Variants in TBCD observed in about 807,000 individuals in gnomAD.
TBCD encodes the protein tubulin-specific chaperone D.
Under a neutral mutation model 169.3 loss-of-function variants are expected in TBCD, and 105 were observed. That is an observed-to-expected ratio of 0.62 (90% confidence interval 0.53 to 0.73). The LOEUF (loss-of-function observed/expected upper bound fraction) is 0.73, where lower values mean the gene tolerates loss of function less well. Among genes scored for constraint, TBCD ranks in the 30% least tolerant of loss-of-function variants. TBCD has a pLI of 0.00. For synonymous variants in TBCD, 700 were observed against 643.9 expected (o/e 1.09, Z -1.32); for missense variants, 1,444 against 1,600.1 (o/e 0.90, Z 1.66).
chr17:82,753,652 C>G (rs575582623), intron 1 of TBCD, among the ~76,000 whole-genome samples: 1 of 148,350 alleles, frequency 6.7e-6, no homozygotes, highest in Admixed American at 6.8e-5. Flanking sequence ...GGGGGTTTCA[C>G]CATGTTGGTC....
At chr17:82,771,408 T>C in intron 5 of TBCD, among the ~76,000 whole-genome samples, 1 of 151,388 alleles carries the variant, frequency 6.6e-6, no homozygotes. Context: ...GCTGGGGAGG[T>C]TGGTGCTGCA....
chr17:82,923,643 T>G lies in TBCD; in HGVS notation c.2179-9T>G, dbSNP rs761132777. On this transcript the variant is annotated splice_polypyrimidine_tract_variant and intron_variant, in intron 25 of 38. Transcript: ENST00000355528. This position sits in a 1 kb window ranked among gnomAD's most constrained non-coding sequence, Gnocchi z 4.6. ...CTGCTGTGCGCTCACCGTGCTGCCTTTGTTTTAGGATGCAGCAGTCTCGGC... is the reference window on the plus strand; with the variant it reads ...CTGCTGTGCGCTCACCGTGCTGCCTGTGTTTTAGGATGCAGCAGTCTCGGC... The G allele has an allele frequency of 2.6e-6, 4 of 1,565,576 alleles. No individual in the cohort carries two copies. The highest frequency in any genetic ancestry group is 1.4e-5 in the African/African-American group (1 of 73,824).
At chr17:82,815,211 G>T (rs1005499538) in intron 13 of TBCD, among the ~76,000 whole-genome samples, 2 of 152,212 alleles carry the variant, frequency 1.3e-5, no homozygotes, top group African/African-American at 4.8e-5. Flanking sequence ...TTTGTCTGCT[G>T]TGGAATTTTA....
At chr17:82,937,249 A>G in intron 34 of TBCD, 22 bp from the exon 35 acceptor site, 1 of 1,611,492 alleles carries the variant, frequency 6.2e-7, no homozygotes, top group Non-Finnish European at 8.5e-7. Flanking sequence ...GCTCATCTCT[A>G]AAGTGTGTGT....
intron 35 of TBCD, 126 bp from the exon 36 acceptor site, chr17:82,937,923 C>G (rs1480221697): frequency 6.5e-7 from 1 of 1,535,982 alleles, no homozygotes; most frequent in Non-Finnish European, 8.7e-7. Context: ...CTTGGGGCCC[C>G]AGGCCCGCAC....
chr17:82,799,246 C>T (rs1267968847), intron 8 of TBCD, among the ~76,000 whole-genome samples: 2 of 151,662 alleles, frequency 1.3e-5, no homozygotes, highest in East Asian at 1.9e-4. Flanking sequence ...AGATCGAGAC[C>T]AGCCTGGCCA....
At chr17:82,800,231 C>G (rs889237115) in intron 8 of TBCD, among the ~76,000 whole-genome samples, 1 of 152,214 alleles carries the variant, frequency 6.6e-6, no homozygotes, top group Non-Finnish European at 1.5e-5. Context: ...TGCTGTCCTC[C>G]TGGCCTCAGC....
At chr17:82,838,178 G>T (rs555894879) in intron 13 of TBCD, among the ~76,000 whole-genome samples, 1 of 152,322 alleles carries the variant, frequency 6.6e-6, no homozygotes, top group African/African-American at 2.4e-5. Flanking sequence ...TGGCCATGGG[G>T]TTGTGTCTAA....
intron 13 of TBCD, chr17:82,865,605 C>T (rs1176645490): frequency 8.7e-6 from 8 of 922,534 alleles, no homozygotes; most frequent in South Asian, 5.0e-5. Context: ...CCTGACAGGG[C>T]GATGCGGTCT....
intron 13 of TBCD, among the ~76,000 whole-genome samples, chr17:82,849,680 C>T (rs1411967060): frequency 2.0e-5 from 3 of 152,226 alleles, no homozygotes; most frequent in African/African-American, 7.2e-5. Context: ...CTGCCATTGT[C>T]CAGAGAGACC....
chr17:82,906,313 G>A (rs1320421673), intron 20 of TBCD, among the ~76,000 whole-genome samples: 5 of 152,298 alleles, frequency 3.3e-5, no homozygotes, highest in Admixed American at 2.6e-4. Flanking sequence ...ATCTCCCCAC[G>A]GCTGTCCTGC....
rs115109030 is a variant in TBCD at position 82,755,386 on chromosome 17, A to G, written c.185-779A>G. The stretch of plus-strand genomic sequence containing the variant: ...AGAAAAGGAAGGGATTCTCTACAGA[A>G]TGTAGCTTTTCCCAGCAAGAGACAA... On this transcript the variant is annotated intron_variant, in intron 1 of 38. Coordinates refer to ENST00000355528, the MANE Select transcript of TBCD (RefSeq NM_005993.5). 7.5e-3 allele frequency among the ~76,000 whole-genome samples: 1,148 copies of G among 152,352 alleles called. 10 individuals carry two copies. Among genetic ancestry groups the G allele is most frequent in the African/African-American group, 0.026 (1,092 of 41,586 alleles).
At chr17:82,911,062 C>T (rs551283172) in intron 22 of TBCD, among the ~76,000 whole-genome samples, 2 of 152,344 alleles carry the variant, frequency 1.3e-5, no homozygotes, top group African/African-American at 4.8e-5. Flanking sequence ...CTCCACCCCA[C>T]ACACTGGGCC....
chr17:82,887,737 T>C (rs1356629970), intron 15 of TBCD, among the ~76,000 whole-genome samples: 1 of 152,228 alleles, frequency 6.6e-6, no homozygotes, highest in Non-Finnish European at 1.5e-5. Context: ...TGCCTTTCTC[T>C]GTCCTCGCTT....
At chr17:82,795,688 C>T (rs139198406) in intron 7 of TBCD, 1 of 831,036 alleles carries the variant, frequency 1.2e-6, no homozygotes, top group Non-Finnish European at 1.5e-6. Context: ...CGCACTCTTG[C>T]GTGGATCGAT....
Position 82,890,231 on chromosome 17 carries a change from C to T in TBCD, c.1563+534C>T, listed in dbSNP as rs1166441603. 6.6e-6 allele frequency among the ~76,000 whole-genome samples: 1 copy of T among 152,192 alleles called. No homozygotes were observed. Among genetic ancestry groups the T allele is most frequent in the African/African-American group, 2.4e-5 (1 of 41,442 alleles). ...TGTGAATGGGGGGCCCCAGGTTACT[C>T]ATGTTGTGTGTGATGACGTCACATC... is the stretch of plus-strand genomic sequence containing the variant. On this transcript the variant is annotated intron_variant, in intron 16 of 38. Transcript: ENST00000355528. This position sits in a 1 kb window ranked among gnomAD's most constrained non-coding sequence, Gnocchi z 5.3.
intron 13 of TBCD, among the ~76,000 whole-genome samples, chr17:82,857,157 C>T (rs1010421164): frequency 2.0e-5 from 3 of 152,218 alleles, no homozygotes; most frequent in African/African-American, 4.8e-5. Context: ...TAATCAGCCT[C>T]GTAGGTGTGA....
chr17:82,929,777 T>C, intron 32 of TBCD: 1 of 573,408 alleles, frequency 1.7e-6, no homozygotes, highest in Non-Finnish European at 3.1e-6. Flanking sequence ...CCCCTCGGGG[T>C]TCAATCCTCC....
At chr17:82,860,079 A>G (rs1051691224) in intron 13 of TBCD, among the ~76,000 whole-genome samples, 1 of 152,210 alleles carries the variant, frequency 6.6e-6, no homozygotes, top group Non-Finnish European at 1.5e-5. Context: ...AGGTCTGAGT[A>G]TGGGGGCTGG....
Sources: gnomAD v4.1 joint callset for allele counts (sites outside exome capture counted in the v4.1 genomes callset) on GRCh38, gnomAD v4.1.1 for gene constraint, Gnocchi (gnomAD v3.1) non-coding constraint, MANE v1.5 for transcripts, NCBI Gene and HGNC (gene_info 2026-07-23, HGNC 2026-07-21) for gene names.